The following GSK3A variants were observed in gnomAD, a reference collection of about 807,000 sequenced individuals.
The protein encoded by GSK3A is glycogen synthase kinase 3 alpha, also known as glycogen synthase kinase-3 alpha.
Under a neutral mutation model 56.6 loss-of-function variants are expected in GSK3A, and 14 were observed. The ratio of observed to expected loss-of-function variants is 0.25; its 90% confidence interval spans 0.16 to 0.39. The LOEUF is 0.39. Ranked by LOEUF, GSK3A falls within the 10% of genes least tolerant of loss-of-function variation. The probability of loss-of-function intolerance (pLI) is 1.00; values close to 1 mark genes in which losing one functional copy is unlikely to be tolerated. For missense variants in GSK3A, 450 were observed against 656.0 expected, an observed-to-expected ratio of 0.69 and a Z score of 3.43; for synonymous variants, 301 against 285.0, an observed-to-expected ratio of 1.06 and a Z score of -0.56.
At chr19:42,233,586 T>C (rs2036238737) in intron 6 of GSK3A, among the ~76,000 whole-genome samples, 1 of 152,122 alleles carries the variant, frequency 6.6e-6, no homozygotes, top group African/African-American at 2.4e-5. Context: ...CTAGGTGTGT[T>C]TCCAGCCCTC....
At chr19:42,233,624 T>C (rs1260762539) in intron 6 of GSK3A, among the ~76,000 whole-genome samples, 3 of 152,096 alleles carry the variant, frequency 2.0e-5, no homozygotes, top group Non-Finnish European at 4.4e-5. Flanking sequence ...AGGACCCCAA[T>C]GAGCTCCTTC....
At chr19:42,237,876 AAAT>A (rs745794422) in intron 2 of GSK3A, among the ~76,000 whole-genome samples, 1 of 151,316 alleles carries the variant, frequency 6.6e-6, no homozygotes. Context: ...CTGTCTCAAA[AAAT>A]AATAATAATA....
At position 42,230,631 on chromosome 19, in the gene GSK3A, TGA is replaced by T; in HGVS notation, c.*161_*162del. 1.6e-6 allele frequency: 1 copy of T among 630,422 alleles called. No homozygotes were observed. The highest frequency in any genetic ancestry group is 1.9e-5 in the South Asian group (1 of 53,732). 39.1% of individuals were successfully genotyped at this position (630,422 alleles called of 1,614,324 possible). A position where few individuals can be genotyped will look rare whatever the true frequency, so the allele number is the denominator to read the frequency against. On this transcript the variant is annotated 3_prime_UTR_variant, in exon 11 of 11. Transcript: ENST00000222330. ...CCTCTTAAAAAGCCCACCACAGGGG[TGA>T]GGCTGGTGAGGGAGGGACTGGAGGT...
intron 2 of GSK3A, among the ~76,000 whole-genome samples, chr19:42,238,268 TGCTTGAACCCAGGAGGCAGAGGTTGCAGC>T (rs1238732759): frequency 8.0e-4 from 121 of 151,004 alleles, no homozygotes; most frequent in African/African-American, 2.8e-3. Flanking sequence ...GTACAAGAAT[TGCTTGAACCCAGGAGGCAGAGGTTGCAGC>T]GCTTGAACCC....
chr19:42,237,592 C>A (rs963419178), intron 2 of GSK3A, among the ~76,000 whole-genome samples: 2 of 151,588 alleles, frequency 1.3e-5, no homozygotes, highest in African/African-American at 4.8e-5. Context: ...AAAGGATAGG[C>A]CAGGGCCAGG....
chr19:42,235,729 C>G (rs1347841853), intron 4 of GSK3A, among the ~76,000 whole-genome samples: 1 of 152,208 alleles, frequency 6.6e-6, no homozygotes, highest in Admixed American at 6.5e-5. Flanking sequence ...TAATAGTTTT[C>G]TGTGATGACG....
At chr19:42,239,054 C>T (rs1258027203) in intron 2 of GSK3A, among the ~76,000 whole-genome samples, 1 of 152,152 alleles carries the variant, frequency 6.6e-6, no homozygotes, top group Non-Finnish European at 1.5e-5. Flanking sequence ...CCATCCAGCT[C>T]ACTCTGGTCC....
At chr19:42,233,260 C>A in intron 7 of GSK3A, 26 bp downstream of exon 7, 2 of 1,477,626 alleles carry the variant, frequency 1.4e-6, no homozygotes, top group Non-Finnish European at 1.9e-6. Flanking sequence ...GCCCCACCCC[C>A]TGCCCAGCCC....
intron 2 of GSK3A, 96 bp from the exon 3 acceptor site, chr19:42,237,037 C>T (rs1316402208): frequency 1.2e-6 from 1 of 842,120 alleles, no homozygotes. Flanking sequence ...GCAGCTACTC[C>T]CTGTGTCCCA....
chr19:42,232,713 G>A (rs1599809606), intron 8 of GSK3A, 31 bp from the exon 9 acceptor site: 2 of 1,512,122 alleles, frequency 1.3e-6, no homozygotes, highest in South Asian at 1.3e-5. Context: ...TCATGAGGGT[G>A]AGATGCCCTG....
In GSK3A at chr19:42,234,656, C is replaced by T; in HGVS notation, c.689G>A (p.Arg230His). ...CTGGGAGTGGATGTAGGCCAAGCTG[C>T]GGAAGAGCTGGTACATGTACACCTG... ...YVKVYMYQLF[R>H]SLAYIHSQGV... The change falls in exon 5 of 11, where the codon CGC (arginine) becomes CAC (histidine). Residue 230 changes from arginine to histidine, a missense_variant. Around this residue, in one of 3 missense-constraint regions of GSK3A, gnomAD observed 144 missense variants for 308.0 expected, o/e 0.47. Transcript: ENST00000222330. This position sits in a 1 kb window ranked among gnomAD's most constrained non-coding sequence, Gnocchi z 5.7. The T allele has an allele frequency of 1.9e-6, 3 of 1,608,528 alleles. No individual in the cohort carries two copies. Among genetic ancestry groups the T allele is most frequent in the Non-Finnish European group, 2.5e-6 (3 of 1,177,554 alleles).
rs1278301977 is a variant in GSK3A, at chr19:42,242,029, C to T, written c.283+154G>A. 5.5e-6 allele frequency: 3 copies of T among 545,990 alleles called. No individual in the cohort carries two copies. In the Admixed American group the frequency reaches 1.3e-4, roughly 24 times the overall value. The allele number at this position is 545,990 out of a possible 1,614,324, so 33.8% of individuals were successfully genotyped here. A position where few individuals can be genotyped will look rare whatever the true frequency, so the allele number is the denominator to read the frequency against. ...TCTCCAAGAGATGGTAACCCCAAGA[C>T]TCCTTTTCCTGGGAGGAAGAGGGCT... On this transcript the variant is annotated intron_variant, in intron 1 of 10. Coordinates refer to ENST00000222330, the MANE Select transcript of GSK3A (RefSeq NM_019884.3).
rs746701580 is a variant in GSK3A at position 42,236,618 on chromosome 19, G to A, written c.654C>T (p.Ile218=). The A allele has an allele frequency of 1.4e-5, 23 of 1,608,190 alleles. No individual in the cohort carries two copies. Among genetic ancestry groups the A allele is most frequent in the East Asian group, 2.2e-5 (1 of 44,860 alleles). The change falls in exon 4 of 11, where the codon ATC becomes ATT. Residue 218 remains isoleucine (I), a synonymous_variant. Transcript: ENST00000222330. ...HFTKAKLTIP[I]LYVKVYMYQL... is the part of the protein sequence containing the mutation. ...CCTGCTGGCCTACCTTGACATAGAG[G>A]ATAGGGATGGTCAACTTGGCCTTGG... is the stretch of plus-strand genomic sequence containing the variant.
chr19:42,236,246 G>A (rs558964057), intron 4 of GSK3A, among the ~76,000 whole-genome samples: 13 of 152,168 alleles, frequency 8.5e-5, no homozygotes, highest in Admixed American at 2.0e-4. Flanking sequence ...CTAAAGGCCC[G>A]AACTCTGGCC....
At chr19:42,233,459 C>T (rs1345061859) in intron 6 of GSK3A, 76 bp from the exon 7 acceptor site, 3 of 980,650 alleles carry the variant, frequency 3.1e-6, no homozygotes, top group East Asian at 2.6e-5. Context: ...TTCCTCATGG[C>T]CATCCTAAGA....
intron 8 of GSK3A, 90 bp downstream of exon 8, chr19:42,233,020 G>A (rs900339448): frequency 1.6e-5 from 13 of 806,264 alleles, no homozygotes; most frequent in South Asian, 5.3e-5. Context: ...CTCCCAAGCC[G>A]TGATTCTGAG....
intron 2 of GSK3A, 127 bp from the exon 3 acceptor site, chr19:42,237,068 AT>A: frequency 1.4e-6 from 1 of 711,242 alleles, no homozygotes; most frequent in Non-Finnish European, 2.6e-6. Flanking sequence ...CCCCTGGAGT[AT>A]CCCCCAATTC....
At chr19:42,236,467 T>G in intron 4 of GSK3A, 139 bp downstream of exon 4, 1 of 668,226 alleles carries the variant, frequency 1.5e-6, no homozygotes, top group Non-Finnish European at 2.7e-6. Context: ...CTCGGGGGGT[T>G]ATGGGAACAA....
In GSK3A at chr19:42,232,576, A is replaced by C; in HGVS notation, c.1205T>G (p.Phe402Cys). 1 of 1,614,140 alleles carries C rather than the reference A, an allele frequency of 6.2e-7. No homozygotes were observed. Among genetic ancestry groups the C allele is most frequent in the Admixed American group, 1.7e-5 (1 of 60,018 alleles). ...TCCCAGACATCGCAGTTCATCAAAG[A>C]AGCTGTGCGCACAGGCCTCTAGTGG... ...LSPLEACAHSFFDELRCLGTQ... is the reference protein window; with the variant it reads ...LSPLEACAHSCFDELRCLGTQ... The change falls in exon 9 of 11, where the codon TTC (phenylalanine) becomes TGC (cysteine). Residue 402 changes from phenylalanine (F) to cysteine (C), a missense_variant. Phe to Cys is a radical substitution (Grantham distance 205). Around this residue, in one of 3 missense-constraint regions of GSK3A, gnomAD observed 113 missense variants for 147.5 expected, o/e 0.77. Transcript: ENST00000222330.
Sources: gnomAD v4.1 joint callset for allele counts (sites outside exome capture counted in the v4.1 genomes callset) on GRCh38, gnomAD v4.1.1 for gene constraint, gnomAD v4.1.1 regional missense constraint, Gnocchi (gnomAD v3.1) non-coding constraint, MANE v1.5 for transcripts, NCBI Gene and HGNC (gene_info 2026-07-23, HGNC 2026-07-21) for gene names.